Variants in ARHGAP10 observed in about 807,000 individuals in gnomAD.
ARHGAP10 encodes the protein rho GTPase-activating protein 10.
ARHGAP10 carries 87 observed loss-of-function variants against 108.6 expected under a neutral mutation model. The observed-to-expected ratio is 0.80, with a 90% confidence interval of 0.67 to 0.96. The LOEUF is 0.96. Ranked by LOEUF, ARHGAP10 falls within the 40% of genes least tolerant of loss-of-function variation. ARHGAP10 has a pLI of 0.00. For missense variants in ARHGAP10, 939 were observed against 954.5 expected, an observed-to-expected ratio of 0.98 and a Z score of 0.21; for synonymous variants, 347 against 341.1, an observed-to-expected ratio of 1.02 and a Z score of -0.19.
intron 1 of ARHGAP10, among the ~76,000 whole-genome samples, chr4:147,821,167 T>C (rs1007754870): frequency 3.9e-5 from 6 of 152,138 alleles, no homozygotes; most frequent in Admixed American, 2.0e-4. Context: ...CGTGAAGGAC[T>C]GAGGGTTCCA....
intron 1 of ARHGAP10, among the ~76,000 whole-genome samples, chr4:147,744,897 A>G (rs1001038702): frequency 6.6e-6 from 1 of 152,182 alleles, no homozygotes; most frequent in Non-Finnish European, 1.5e-5. Flanking sequence ...AAACGATGCC[A>G]TGCAGCTGAA....
At chr4:147,763,682 C>T (rs1579013746) in intron 1 of ARHGAP10, among the ~76,000 whole-genome samples, 1 of 151,402 alleles carries the variant, frequency 6.6e-6, no homozygotes, top group Non-Finnish European at 1.5e-5. Flanking sequence ...TGTTTGAGAA[C>T]CCTGCAGGTA....
At chr4:148,048,827 A>G (rs900496828) in intron 20 of ARHGAP10, among the ~76,000 whole-genome samples, 7 of 152,212 alleles carry the variant, frequency 4.6e-5, no homozygotes, top group African/African-American at 1.4e-4. Context: ...ATTTTTGGTC[A>G]TAAATCAAAT....
rs80132475 is a variant in ARHGAP10 at position 148,044,956 on chromosome 4, A to G, written c.1868-1936A>G. On this transcript the variant is annotated intron_variant, in intron 19 of 22. Transcript: ENST00000336498. ...GAAGCGCTGTGGAAAAAGTGGCTTC[A>G]CTGAAAGAGCAATCATAGTCTTCTA... Among the ~76,000 whole-genome samples, 40 of 152,300 alleles carry G rather than the reference A, an allele frequency of 2.6e-4. No individual in the cohort carries two copies. In the East Asian group the frequency reaches 7.1e-3, roughly 27 times the overall value.
In ARHGAP10 at chr4:147,892,688, G is replaced by T. The variant is rs112374126; in HGVS notation, c.1034+10756G>T. ...AACCAGTTTGGAGACTCAGAGGAAGGGGGGCCCAAGGCAAAAAGGAATCAC... is the reference window on the plus strand; with the variant it reads ...AACCAGTTTGGAGACTCAGAGGAAGTGGGGCCCAAGGCAAAAAGGAATCAC... On this transcript the variant is annotated intron_variant, in intron 10 of 22. Transcript: ENST00000336498. Among the ~76,000 whole-genome samples, 1,428 of 152,268 alleles carry T rather than the reference G, an allele frequency of 9.4e-3. 20 individuals carry two copies. The highest frequency in any genetic ancestry group is 0.031 in the African/African-American group (1,273 of 41,548).
At position 147,934,693 on chromosome 4, in the gene ARHGAP10, G is replaced by T. The variant is rs149493420; in HGVS notation, c.1229-5132G>T. ...CTCTACAAAAAATAGATTCAGCCTA[G>T]TGTGGTAGCATGTGCTTGTAGTCCC... On this transcript the variant is annotated intron_variant, in intron 13 of 22. Transcript: ENST00000336498. 3.7e-3 allele frequency among the ~76,000 whole-genome samples: 558 copies of T among 152,270 alleles called. 5 individuals are homozygous for T. The highest frequency in any genetic ancestry group is 0.013 in the African/African-American group (538 of 41,536).
At chr4:147,814,874 C>A (rs2126776803) in intron 1 of ARHGAP10, among the ~76,000 whole-genome samples, 1 of 152,256 alleles carries the variant, frequency 6.6e-6, no homozygotes, top group East Asian at 1.9e-4. Flanking sequence ...AGGACACATT[C>A]TCAGGTTCTG....
At chr4:147,822,435 T>C (rs1732540114) in intron 1 of ARHGAP10, among the ~76,000 whole-genome samples, 1 of 152,128 alleles carries the variant, frequency 6.6e-6, no homozygotes, top group Non-Finnish European at 1.5e-5. Flanking sequence ...AAAGGGAGAA[T>C]ACTTTAGGGA....
intron 19 of ARHGAP10, among the ~76,000 whole-genome samples, chr4:148,027,721 G>A (rs909031554): frequency 1.3e-4 from 20 of 152,192 alleles, no homozygotes; most frequent in Middle Eastern, 3.4e-3. Context: ...AATGTCACAC[G>A]TCAACGAGAG....
At chr4:148,064,268 G>A in intron 21 of ARHGAP10, 148 bp from the exon 22 acceptor site, 1 of 621,482 alleles carries the variant, frequency 1.6e-6, no homozygotes, top group Non-Finnish European at 2.8e-6. Flanking sequence ...TTCTTAGCCT[G>A]ATGTTCACTT....
intron 7 of ARHGAP10, among the ~76,000 whole-genome samples, chr4:147,872,589 C>G (rs950381943): frequency 2.0e-5 from 3 of 152,156 alleles, no homozygotes; most frequent in Non-Finnish European, 4.4e-5. Flanking sequence ...GACTACTAAT[C>G]GCCTACTGTT....
intron 1 of ARHGAP10, among the ~76,000 whole-genome samples, chr4:147,796,670 C>T (rs748026432): frequency 2.0e-5 from 3 of 152,036 alleles, no homozygotes; most frequent in Non-Finnish European, 4.4e-5. Context: ...GGATCACAGG[C>T]GCCTGCCACC....
intron 10 of ARHGAP10, among the ~76,000 whole-genome samples, chr4:147,882,843 T>A (rs543100997): frequency 7.9e-5 from 12 of 152,328 alleles, no homozygotes; most frequent in Non-Finnish European, 1.2e-4. Context: ...TTAAGGAAAA[T>A]CCTAGTGTTC....
intron 13 of ARHGAP10, among the ~76,000 whole-genome samples, 196 bp downstream of exon 13, chr4:147,913,335 C>A (rs1736831890): frequency 6.6e-6 from 1 of 152,078 alleles, no homozygotes; most frequent in Non-Finnish European, 1.5e-5. Context: ...ATATTTCTTT[C>A]CTATATGAAA....
chr4:147,890,209 T>G (rs1002548014), intron 10 of ARHGAP10, among the ~76,000 whole-genome samples: 4 of 152,142 alleles, frequency 2.6e-5, no homozygotes, highest in Non-Finnish European at 4.4e-5. Flanking sequence ...GGTCCATGAG[T>G]TGTTTTAGTA....
At chr4:147,791,523 T>C (rs1183625658) in intron 1 of ARHGAP10, among the ~76,000 whole-genome samples, 2 of 150,098 alleles carry the variant, frequency 1.3e-5, no homozygotes, top group Non-Finnish European at 2.9e-5. Context: ...GGTTATTCCG[T>C]GTGTGTGTGT....
intron 15 of ARHGAP10, among the ~76,000 whole-genome samples, chr4:147,954,589 C>T (rs939619355): frequency 2.0e-5 from 3 of 151,802 alleles, no homozygotes; most frequent in Non-Finnish European, 2.9e-5. Context: ...TAATATCTTG[C>T]GAGATTACCC....
At chr4:147,946,321 A>G (rs756218032) in intron 14 of ARHGAP10, 67 of 307,378 alleles carry the variant, frequency 2.2e-4, no homozygotes, top group Middle Eastern at 9.1e-4. Flanking sequence ...GATAATAGCT[A>G]TACATGAATT....
chr4:147,851,354 A>G (rs1046979940), intron 4 of ARHGAP10, among the ~76,000 whole-genome samples: 1 of 152,056 alleles, frequency 6.6e-6, no homozygotes, highest in Non-Finnish European at 1.5e-5. Context: ...CCAGGACTAC[A>G]GATGCCTGCC....
Sources: gnomAD v4.1 joint callset for allele counts (sites outside exome capture counted in the v4.1 genomes callset) on GRCh38, gnomAD v4.1.1 for gene constraint, MANE v1.5 for transcripts, NCBI Gene and HGNC (gene_info 2026-07-23, HGNC 2026-07-21) for gene names.